The following HIF1A variants were observed in gnomAD, a reference collection of about 807,000 sequenced individuals.
The protein encoded by HIF1A is hypoxia-inducible factor 1-alpha.
A neutral mutation model predicts 92.7 loss-of-function variants in HIF1A; 24 were observed. That is an observed-to-expected ratio of 0.26 (90% CI 0.19 to 0.36). The LOEUF (loss-of-function observed/expected upper bound fraction) is 0.36, where lower values mean the gene tolerates loss of function less well. Ranked by LOEUF, HIF1A falls within the 10% of genes least tolerant of loss-of-function variation. The pLI, the probability that HIF1A is intolerant of heterozygous loss-of-function variation, is 1.00. For synonymous variants in HIF1A, 319 were observed against 338.7 expected (o/e 0.94, Z 0.64); for missense variants, 799 against 998.5 (o/e 0.80, Z 2.69).
chr14:61,722,420 A>T (rs1474251593), intron 4 of HIF1A, among the ~76,000 whole-genome samples: 1 of 151,732 alleles, frequency 6.6e-6, no homozygotes, highest in Non-Finnish European at 1.5e-5. Flanking sequence ...TTAAATTGTG[A>T]TAGGGGTTCT....
At position 61,704,255 on chromosome 14, in the gene HIF1A, G is replaced by T. The variant is rs375380633; in HGVS notation, c.35+8416G>T. 3.5e-4 allele frequency among the ~76,000 whole-genome samples: 53 copies of T among 152,280 alleles called. No homozygotes were observed. The East Asian group carries it at 6.0e-3, about 17-fold the overall frequency. On this transcript the variant is annotated intron_variant, in intron 1 of 14. Transcript: ENST00000337138. Reference sequence around the variant, plus strand: ...GTTTAGAATCGCTCAAGCCTTCTTTGTGATAATCTGACGAAGGCTATTCAC... The same window carrying T: ...GTTTAGAATCGCTCAAGCCTTCTTTTTGATAATCTGACGAAGGCTATTCAC...
chr14:61,740,863 C>T lies in HIF1A; in HGVS notation c.1768C>T (p.Pro590Ser), dbSNP rs2044701117. The change falls in exon 12 of 15, where the codon CCT (proline) becomes TCT (serine). Residue 590 changes from proline (P) to serine (S), a missense_variant. By Grantham distance (74) the Pro-to-Ser change is moderately conservative (BLOSUM62 -1). Transcript: ENST00000337138. Reference sequence around the variant, plus strand: ...ACCATTAGAAAGCAGTTCCGCAAGCCCTGAAAGCGCAAGTCCTCAAAGCAC... The same window carrying T: ...ACCATTAGAAAGCAGTTCCGCAAGCTCTGAAAGCGCAAGTCCTCAAAGCAC... ...LSPLESSSASPESASPQSTVT... is the reference protein window; with the variant it reads ...LSPLESSSASSESASPQSTVT... 1.9e-6 allele frequency: 3 copies of T among 1,614,106 alleles called. No individual in the cohort carries two copies. Among genetic ancestry groups the T allele is most frequent in the Non-Finnish European group, 2.5e-6 (3 of 1,180,028 alleles).
At chr14:61,707,235 A>G (rs1426112173) in intron 1 of HIF1A, among the ~76,000 whole-genome samples, 2 of 152,194 alleles carry the variant, frequency 1.3e-5, no homozygotes, top group East Asian at 3.9e-4. Flanking sequence ...CTTGTTAGAA[A>G]TGCACATTCT....
At position 61,748,147 on chromosome 14, in the gene HIF1A, G is replaced by GT. The variant is rs944788994; in HGVS notation, c.*1068dup. On this transcript the variant is annotated 3_prime_UTR_variant, in exon 15 of 15. Transcript: ENST00000337138. ...ATATAGTTGTCACAGTAAATATCTT[G>GT]TTTTTTCTATGTACATTGTACAAAT... The GT allele has an allele frequency of 1.3e-5, 2 of 152,342 alleles. No individual in the cohort carries two copies. The highest frequency in any genetic ancestry group is 2.4e-5 in the African/African-American group (1 of 41,398). 9.4% of individuals were successfully genotyped at this position (152,342 alleles called of 1,614,324 possible). A position where few individuals can be genotyped will look rare whatever the true frequency, so the allele number is the denominator to read the frequency against.
At chr14:61,698,704 A>G (rs1484405786) in intron 1 of HIF1A, among the ~76,000 whole-genome samples, 1 of 152,152 alleles carries the variant, frequency 6.6e-6, no homozygotes. Context: ...TCCTGTTACA[A>G]TGGGCAAAAG....
Position 61,746,934 on chromosome 14 carries a change from A to G in HIF1A, c.2330A>G (p.Asp777Gly), listed in dbSNP as rs1455974167. Residue 777 changes from aspartate to glycine, a missense_variant and splice_region_variant, in exon 15 of 15, where the codon GAT (aspartate) becomes GGT (glycine). By Grantham distance (94) the Asp-to-Gly change is moderately conservative. Transcript: ENST00000337138. Reference protein sequence around the residue: ...EQKTIILIPSDLACRLLGQSM... With the variant: ...EQKTIILIPSGLACRLLGQSM... ...CTTAGGTATCTCTTTTGTTTTTCAG[A>G]TTTAGCATGTAGACTGCTGGGGCAA... is the stretch of plus-strand genomic sequence containing the variant. 9 of 1,597,238 alleles carry G rather than the reference A, an allele frequency of 5.6e-6. No individual in the cohort carries two copies. Among genetic ancestry groups the G allele is most frequent in the Non-Finnish European group, 6.8e-6 (8 of 1,174,518 alleles).
intron 1 of HIF1A, chr14:61,715,418 C>A (rs569936929): frequency 8.5e-5 from 13 of 152,158 alleles, no homozygotes; most frequent in Non-Finnish European, 1.8e-4. Flanking sequence ...GTGAAGTAGG[C>A]AAATTTCGAA....
intron 5 of HIF1A, among the ~76,000 whole-genome samples, chr14:61,727,251 G>A (rs187868259): frequency 2.6e-5 from 4 of 152,332 alleles, no homozygotes; most frequent in African/African-American, 7.2e-5. Flanking sequence ...AAAGAGTAAT[G>A]TATAGGCCCT....
At chr14:61,725,208 G>A (rs544012430) in intron 4 of HIF1A, among the ~76,000 whole-genome samples, 65 of 152,168 alleles carry the variant, frequency 4.3e-4, no homozygotes, top group African/African-American at 1.5e-3. Context: ...ATTTTTATAA[G>A]TCTCAAGTAC....
chr14:61,712,199 A>G (rs1352072575), intron 1 of HIF1A, among the ~76,000 whole-genome samples: 1 of 152,134 alleles, frequency 6.6e-6, no homozygotes, highest in Non-Finnish European at 1.5e-5. Context: ...AAAGGTGGAG[A>G]AGCAAGCCTT....
chr14:61,742,251 A>G (rs369156089), intron 12 of HIF1A, among the ~76,000 whole-genome samples: 1 of 152,222 alleles, frequency 6.6e-6, no homozygotes, highest in African/African-American at 2.4e-5. Context: ...GTTTTATCTA[A>G]TAAGTGTGTG....
Position 61,727,477 on chromosome 14 carries a change from C to T in HIF1A, c.595C>T (p.His199Tyr), listed in dbSNP as rs2044521002. Residue 199 changes from histidine (H) to tyrosine (Y), a missense_variant, in exon 6 of 15, where the codon CAC (histidine) becomes TAC (tyrosine). By Grantham distance (83) the His-to-Tyr change is moderately conservative. Transcript: ENST00000337138. ...WKVLHCTGHIHVYDTNSNQPQ... is the reference protein window; with the variant it reads ...WKVLHCTGHIYVYDTNSNQPQ... ...GGTATTGCACTGCACAGGCCACATTCACGTATATGATACCAACAGTAACCA... is the reference window on the plus strand; with the variant it reads ...GGTATTGCACTGCACAGGCCACATTTACGTATATGATACCAACAGTAACCA... The T allele has an allele frequency of 6.2e-7, 1 of 1,613,524 alleles. No homozygotes were observed. The highest frequency in any genetic ancestry group is 8.5e-7 in the Non-Finnish European group (1 of 1,179,646).
At chr14:61,710,518 G>A (rs2044294615) in intron 1 of HIF1A, among the ~76,000 whole-genome samples, 1 of 152,164 alleles carries the variant, frequency 6.6e-6, no homozygotes, top group African/African-American at 2.4e-5. Context: ...TTAGAATTCA[G>A]AAGATATTTT....
chr14:61,700,505 A>G (rs1053163117), intron 1 of HIF1A, among the ~76,000 whole-genome samples: 5 of 152,170 alleles, frequency 3.3e-5, no homozygotes, highest in South Asian at 2.1e-4. Flanking sequence ...AGTCTGAGCA[A>G]TATTCCATTA....
intron 13 of HIF1A, among the ~76,000 whole-genome samples, chr14:61,745,047 A>C (rs1166371204): frequency 6.6e-6 from 1 of 152,174 alleles, no homozygotes; most frequent in Non-Finnish European, 1.5e-5. Flanking sequence ...TTTTGAGTTA[A>C]AAAGTGAAGT....
chr14:61,721,619 T>G lies in HIF1A; in HGVS notation c.337T>G (p.Ser113Ala). Residue 113 changes from serine (S) to alanine (A), a missense_variant, in exon 3 of 15, where the codon TCT becomes GCT. Physicochemically the swap from Ser to Ala is moderately conservative, Grantham distance 99. Coordinates refer to ENST00000337138, the MANE Select transcript of HIF1A (RefSeq NM_001530.4). ...LTDDGDMIYISDNVNKYMGLT... is the reference protein window; with the variant it reads ...LTDDGDMIYIADNVNKYMGLT... The stretch of plus-strand genomic sequence containing the variant: ...AGATGATGGTGACATGATTTACATT[T>G]CTGATAATGTGAACAAATACATGGG... The G allele has an allele frequency of 1.2e-6, 2 of 1,613,004 alleles. No homozygotes were observed. The highest frequency in any genetic ancestry group is 1.7e-6 in the Non-Finnish European group (2 of 1,179,122).
At chr14:61,722,814 T>C (rs1241648983) in intron 4 of HIF1A, among the ~76,000 whole-genome samples, 1 of 152,252 alleles carries the variant, frequency 6.6e-6, no homozygotes, top group Non-Finnish European at 1.5e-5. Context: ...AGGAATTAAT[T>C]GTTAAAAATA....
rs1413747297 is a variant in HIF1A, at chr14:61,747,357, T to A, written c.*272T>A. 1 of 233,026 alleles carries A rather than the reference T, an allele frequency of 4.3e-6. No homozygotes were observed. Among genetic ancestry groups the A allele is most frequent in the African/African-American group, 2.3e-5 (1 of 44,432 alleles). 14.4% of individuals were successfully genotyped at this position (233,026 alleles called of 1,614,324 possible). A position where few individuals can be genotyped will look rare whatever the true frequency, so the allele number is the denominator to read the frequency against. On this transcript the variant is annotated 3_prime_UTR_variant, in exon 15 of 15. Coordinates refer to ENST00000337138, the MANE Select transcript of HIF1A (RefSeq NM_001530.4). ...CATCATTTTAAAAAATGCACCTTTT[T>A]ATTTATTTATTTTTGGCTAGGGAGT...
intron 2 of HIF1A, among the ~76,000 whole-genome samples, 199 bp downstream of exon 2, chr14:61,720,771 A>G (rs1454256414): frequency 3.3e-5 from 5 of 152,194 alleles, no homozygotes; most frequent in Non-Finnish European, 7.3e-5. Context: ...ATTCTTTGAA[A>G]TAATCATTCT....
Sources: gnomAD v4.1 joint callset for allele counts (sites outside exome capture counted in the v4.1 genomes callset) on GRCh38, gnomAD v4.1.1 for gene constraint, MANE v1.5 for transcripts, NCBI Gene and HGNC (gene_info 2026-07-23, HGNC 2026-07-21) for gene names.